The following ADGRL2 variants were observed in gnomAD, a reference collection of about 807,000 sequenced individuals.
The protein encoded by ADGRL2 is calcium-independent alpha-latrotoxin receptor 2.
Under a neutral mutation model 157.4 loss-of-function variants are expected in ADGRL2, and 44 were observed. The observed-to-expected ratio is 0.28, with a 90% CI of 0.22 to 0.36. The LOEUF (loss-of-function observed/expected upper bound fraction) is 0.36. Among genes scored for constraint, ADGRL2 ranks in the 10% least tolerant of loss-of-function variants. The pLI, the probability that ADGRL2 is intolerant of heterozygous loss-of-function variation, is 1.00. For synonymous variants in ADGRL2, 585 were observed against 624.7 expected, an observed-to-expected ratio of 0.94 and a Z score of 0.95; for missense variants, 1,510 against 1,768.9, an observed-to-expected ratio of 0.85 and a Z score of 2.63.
At chr1:81,354,772 A>T (rs1663157501) in intron 1 of ADGRL2, among the ~76,000 whole-genome samples, 1 of 152,226 alleles carries the variant, frequency 6.6e-6, no homozygotes, top group South Asian at 2.1e-4. Context: ...TTGCAAGGAC[A>T]GAAATATATG....
Position 81,993,087 on chromosome 1 carries a change from ATTTTTTTTTTTTTTTTT to A in ADGRL2, c.*1958_*1974del, listed in dbSNP as rs71085382. The stretch of plus-strand genomic sequence containing the variant: ...TATATATATATATATATATATATAT[ATTTTTTTTTTTTTTTTT>A]TTTTTTTTTTTTTTTGGGACAGAGT... On this transcript the variant is annotated 3_prime_UTR_variant, in exon 24 of 24. Transcript: ENST00000686636. Among the ~76,000 whole-genome samples, 4 of 29,200 alleles carry A rather than the reference ATTTTTTTTTTTTTTTTT, an allele frequency of 1.4e-4. No individual in the cohort carries two copies. Among genetic ancestry groups the A allele is most frequent in the Non-Finnish European group, 1.6e-4 (3 of 18,336 alleles). The allele number at this position is 29,200 out of a possible 152,430, so 19.2% of individuals were successfully genotyped here.
At chr1:81,322,670 A>T (rs1660609042) in intron 1 of ADGRL2, among the ~76,000 whole-genome samples, 1 of 152,086 alleles carries the variant, frequency 6.6e-6, no homozygotes, top group South Asian at 2.1e-4. Flanking sequence ...AATTAGTTCT[A>T]TACATTTAAG....
At chr1:81,597,150 C>T (rs2081250535) in intron 3 of ADGRL2, among the ~76,000 whole-genome samples, 1 of 152,128 alleles carries the variant, frequency 6.6e-6, no homozygotes, top group Non-Finnish European at 1.5e-5. Context: ...CTTCTCTAAT[C>T]CTTTGCCTTT....
chr1:81,947,092 G>A (rs549601963), intron 6 of ADGRL2, among the ~76,000 whole-genome samples: 191 of 152,174 alleles, frequency 1.3e-3, no homozygotes, highest in African/African-American at 4.3e-3. Context: ...AATGATAAAT[G>A]GTAGGTAGAA....
At chr1:81,979,568 A>G (rs531866221) in intron 17 of ADGRL2, among the ~76,000 whole-genome samples, 1 of 151,896 alleles carries the variant, frequency 6.6e-6, no homozygotes, top group African/African-American at 2.4e-5. Flanking sequence ...TGTTTCCATC[A>G]GATGGTTTTT....
chr1:81,741,086 A>C, intron 1 of ADGRL2, among the ~76,000 whole-genome samples: 1 of 151,890 alleles, frequency 6.6e-6, no homozygotes, highest in East Asian at 1.9e-4. Context: ...GCCAGAGGCT[A>C]ATCATAGGTG....
intron 3 of ADGRL2, among the ~76,000 whole-genome samples, chr1:81,608,806 C>T (rs1221062630): frequency 6.6e-6 from 1 of 152,160 alleles, no homozygotes; most frequent in Non-Finnish European, 1.5e-5. Context: ...ATATTACTTG[C>T]CCATTTCTCT....
chr1:81,579,032 G>A (rs1012729035), intron 2 of ADGRL2, among the ~76,000 whole-genome samples: 14 of 152,230 alleles, frequency 9.2e-5, no homozygotes, highest in Admixed American at 2.0e-4. Context: ...CACTAATGAG[G>A]AAAACACAGC....
intron 1 of ADGRL2, among the ~76,000 whole-genome samples, chr1:81,747,051 C>CGT (rs2085298154): frequency 2.8e-5 from 4 of 143,458 alleles, no homozygotes; most frequent in Non-Finnish European, 6.1e-5. Context: ...TATGTATATA[C>CGT]GTATATACAC....
chr1:81,762,728 G>C (rs1237833798), intron 2 of ADGRL2, among the ~76,000 whole-genome samples: 1 of 152,042 alleles, frequency 6.6e-6, no homozygotes, highest in Non-Finnish European at 1.5e-5. Context: ...ACAGAGGAGA[G>C]AGACTTGGCA....
intron 1 of ADGRL2, among the ~76,000 whole-genome samples, chr1:81,405,802 A>G (rs762870199): frequency 2.6e-5 from 4 of 152,140 alleles, no homozygotes; most frequent in Non-Finnish European, 4.4e-5. Flanking sequence ...TCATTATGCA[A>G]TCATAAATAT....
intron 23 of ADGRL2, among the ~76,000 whole-genome samples, chr1:81,988,732 A>T (rs1228491283): frequency 1.3e-5 from 2 of 152,054 alleles, no homozygotes; most frequent in Non-Finnish European, 2.9e-5. Context: ...TCACATATTT[A>T]TTGGTCATGA....
intron 3 of ADGRL2, among the ~76,000 whole-genome samples, chr1:81,927,026 T>A (rs995084833): frequency 6.6e-6 from 1 of 152,080 alleles, no homozygotes; most frequent in African/African-American, 2.4e-5. Context: ...TTTAAGGAAA[T>A]TTTTGGAGTT....
In ADGRL2 at chr1:81,430,396, T is replaced by C. The variant is rs528250464; in HGVS notation, c.-301-14640T>C. 3.9e-5 allele frequency among the ~76,000 whole-genome samples: 6 copies of C among 152,246 alleles called. No individual in the cohort carries two copies. The South Asian group carries it at 1.2e-3, about 32-fold the overall frequency. ...AGAAGCCCTGCCTCTTCTGGTTAGA[T>C]TTGAGTGGAGAGCTCTGTCAATGCC... On this transcript the variant is annotated intron_variant, in intron 1 of 24. Transcript: ENST00000370721.
chr1:81,635,966 C>T (rs922666297), intron 3 of ADGRL2, among the ~76,000 whole-genome samples: 7 of 152,204 alleles, frequency 4.6e-5, no homozygotes, highest in Non-Finnish European at 8.8e-5. Flanking sequence ...CGTCCTCACA[C>T]TCAGCACATA....
intron 2 of ADGRL2, among the ~76,000 whole-genome samples, chr1:81,470,253 T>G (rs2078143892): frequency 6.6e-6 from 1 of 152,204 alleles, no homozygotes; most frequent in Admixed American, 6.5e-5. Flanking sequence ...TATGTACTTA[T>G]TTGAACAATT....
intron 3 of ADGRL2, among the ~76,000 whole-genome samples, chr1:81,909,877 T>A (rs651533): frequency 0.78 from 118,336 of 152,024 alleles, 46,307 homozygotes; most frequent in East Asian, 0.94. Flanking sequence ...AATTGTTTGA[T>A]TGTTGGAGGT....
chr1:81,532,036 T>C (rs563524150), intron 2 of ADGRL2, among the ~76,000 whole-genome samples: 13 of 152,250 alleles, frequency 8.5e-5, no homozygotes, highest in Admixed American at 3.3e-4. Context: ...TAAAACTAAA[T>C]TCGAATTTTA....
At chr1:81,732,638 A>G (rs952727414) in intron 1 of ADGRL2, among the ~76,000 whole-genome samples, 4 of 152,198 alleles carry the variant, frequency 2.6e-5, no homozygotes, top group African/African-American at 9.6e-5. Flanking sequence ...AGAAGATAAC[A>G]CTTAGGAGTT....
Sources: allele counts gnomAD v4.1 joint callset (sites outside exome capture counted in the v4.1 genomes callset), GRCh38; gene constraint gnomAD v4.1.1; transcripts MANE v1.5; gene names NCBI Gene and HGNC (gene_info 2026-07-23, HGNC 2026-07-21).